Variants in BCAS3 observed in about 807,000 individuals in gnomAD.
BCAS3 encodes the protein BCAS4/BCAS3 fusion.
Under a neutral mutation model 116.1 loss-of-function variants are expected in BCAS3, and 53 were observed. That is an observed-to-expected ratio of 0.46 (90% CI 0.37 to 0.57). The LOEUF (loss-of-function observed/expected upper bound fraction) is 0.57. BCAS3 is among the 20% of genes least tolerant of loss of function. BCAS3 has a pLI of 0.00. For missense variants in BCAS3, 917 were observed against 1,165.4 expected, an observed-to-expected ratio of 0.79 and a Z score of 3.10; for synonymous variants, 391 against 408.2, an observed-to-expected ratio of 0.96 and a Z score of 0.51.
At chr17:61,175,376 G>A (rs1330283568) in intron 22 of BCAS3, among the ~76,000 whole-genome samples, 1 of 151,590 alleles carries the variant, frequency 6.6e-6, no homozygotes, top group Admixed American at 6.6e-5. Context: ...TCCAGCCTGG[G>A]TGACACAGTG....
At chr17:60,999,363 C>A (rs1024396923) in intron 15 of BCAS3, among the ~76,000 whole-genome samples, 4 of 151,772 alleles carry the variant, frequency 2.6e-5, no homozygotes, top group Non-Finnish European at 5.9e-5. Context: ...CGTGGTGAAA[C>A]CCCGTCTCTA....
chr17:61,059,063 C>CTTTTTTTTTTTTTTTTTT lies in BCAS3; in HGVS notation c.2030-15837_2030-15820dup. ...TCCCCGAACTCTTTTTTCTCCCCAT[C>CTTTTTTTTTTTTTTTTTT]TTTTTTTTTTTTTTTTTTTTTTTTT... is the stretch of plus-strand genomic sequence containing the variant. On this transcript the variant is annotated intron_variant, in intron 19 of 23. Transcript: ENST00000407086. Among the ~76,000 whole-genome samples, 59 of 32,802 alleles carry CTTTTTTTTTTTTTTTTTT rather than the reference C, an allele frequency of 1.8e-3. 5 individuals are homozygous for CTTTTTTTTTTTTTTTTTT. Among genetic ancestry groups the CTTTTTTTTTTTTTTTTTT allele is most frequent in the Non-Finnish European group, 2.4e-3 (38 of 15,840 alleles). 21.5% of individuals were successfully genotyped at this position (32,802 alleles called of 152,430 possible). A position where few individuals can be genotyped will look rare whatever the true frequency, so the allele number is the denominator to read the frequency against.
chr17:60,852,230 C>A (rs1199810784), intron 7 of BCAS3, among the ~76,000 whole-genome samples: 2 of 151,532 alleles, frequency 1.3e-5, no homozygotes, highest in Non-Finnish European at 2.9e-5. Context: ...TGTGCTGCAC[C>A]CATGTTGTTT....
intron 15 of BCAS3, among the ~76,000 whole-genome samples, chr17:61,010,956 G>A (rs189413569): frequency 6.6e-6 from 1 of 152,040 alleles, no homozygotes; most frequent in African/African-American, 2.4e-5. Context: ...GACTTCCTCT[G>A]TCTGCTTGTG....
In BCAS3 at chr17:61,380,970, C is replaced by G. The variant is rs977494047; in HGVS notation, c.2594-11007C>G. Among the ~76,000 whole-genome samples the G allele has an allele frequency of 3.9e-4, 60 of 152,196 alleles. No individual in the cohort carries two copies. Among genetic ancestry groups the G allele is most frequent in the Non-Finnish European group, 6.9e-4 (47 of 68,034 alleles). On this transcript the variant is annotated intron_variant, in intron 23 of 23. Coordinates refer to ENST00000407086, the MANE Select transcript of BCAS3 (RefSeq NM_017679.5). This position sits in a 1 kb window ranked among gnomAD's most constrained non-coding sequence, Gnocchi z 4.2. ...TCCCTGCAGGAGCCTGGAGCTGGCCCCTAGTATAATTGGTGCTGTCTCTAT... is the reference window on the plus strand; with the variant it reads ...TCCCTGCAGGAGCCTGGAGCTGGCCGCTAGTATAATTGGTGCTGTCTCTAT...
chr17:61,064,975 T>G (rs1445990029), intron 19 of BCAS3, among the ~76,000 whole-genome samples: 1 of 152,222 alleles, frequency 6.6e-6, no homozygotes, highest in East Asian at 1.9e-4. Flanking sequence ...TTAGATTTAG[T>G]GAATTCCTCT....
chr17:60,767,615 G>C (rs1265678386), intron 6 of BCAS3, among the ~76,000 whole-genome samples: 2 of 151,970 alleles, frequency 1.3e-5, no homozygotes, highest in Non-Finnish European at 2.9e-5. Context: ...CCAAAGTGCT[G>C]GGATTACAGA....
intron 22 of BCAS3, among the ~76,000 whole-genome samples, chr17:61,271,677 G>A (rs569361189): frequency 4.1e-5 from 6 of 147,264 alleles, no homozygotes; most frequent in Non-Finnish European, 7.5e-5. Context: ...GGCTGGTTTC[G>A]AACTCCTGAC....
In BCAS3 at chr17:61,228,771, G is replaced by T. The variant is rs2082504970; in HGVS notation, c.2426-139556G>T. Among the ~76,000 whole-genome samples, 1 of 152,116 alleles carries T rather than the reference G, an allele frequency of 6.6e-6. No homozygotes were observed. Among genetic ancestry groups the T allele is most frequent in the Non-Finnish European group, 1.5e-5 (1 of 68,030 alleles). ...CTTTCCGCAGGTCTCCTGATTCCAT[G>T]AGCCACAATAATATTGAAATTGGGC... On this transcript the variant is annotated intron_variant, in intron 22 of 23. Transcript: ENST00000407086. The surrounding 1 kb of genome is among the most constrained non-coding windows in gnomAD (Gnocchi z 5.0).
chr17:60,892,852 G>A (rs1036610095), intron 10 of BCAS3, among the ~76,000 whole-genome samples: 1 of 152,054 alleles, frequency 6.6e-6, no homozygotes, highest in African/African-American at 2.4e-5. Flanking sequence ...AACCCGGGAG[G>A]TGGAGGTTGC....
intron 6 of BCAS3, among the ~76,000 whole-genome samples, chr17:60,792,516 C>A (rs911695958): frequency 6.6e-6 from 1 of 152,226 alleles, no homozygotes; most frequent in African/African-American, 2.4e-5. Flanking sequence ...ACTTGGGCAG[C>A]AGTGCTACTG....
intron 6 of BCAS3, among the ~76,000 whole-genome samples, chr17:60,755,630 G>A (rs2042923462): frequency 6.6e-6 from 1 of 152,058 alleles, no homozygotes; most frequent in African/African-American, 2.4e-5. Flanking sequence ...AATGTATTTT[G>A]TAGCTTTTTA....
rs2054658273 is a variant in BCAS3 at position 61,315,556 on chromosome 17, G to A, written c.2426-52771G>A. Among the ~76,000 whole-genome samples, 1 of 152,202 alleles carries A rather than the reference G, an allele frequency of 6.6e-6. No homozygotes were observed. The highest frequency in any genetic ancestry group is 1.5e-5 in the Non-Finnish European group (1 of 68,044). On this transcript the variant is annotated intron_variant, in intron 22 of 23. Coordinates refer to ENST00000407086, the MANE Select transcript of BCAS3 (RefSeq NM_017679.5). The surrounding 1 kb of genome is among the most constrained non-coding windows in gnomAD (Gnocchi z 5.3). ...ATGGAAGAGGTTGCACAGCGTCGCT[G>A]GTTAATGGCAAAGCCCAGGTATGGG...
At chr17:61,059,894 C>T (rs1013993507) in intron 19 of BCAS3, among the ~76,000 whole-genome samples, 6 of 151,664 alleles carry the variant, frequency 4.0e-5, no homozygotes, top group Admixed American at 6.6e-5. Context: ...GGCGTGGTGG[C>T]GCGTGCCTGT....
At chr17:60,705,462 T>C (rs896642165) in intron 4 of BCAS3, among the ~76,000 whole-genome samples, 1 of 145,552 alleles carries the variant, frequency 6.9e-6, no homozygotes, top group Non-Finnish European at 1.5e-5. Flanking sequence ...TTCAGTGAGC[T>C]GAGATCATGC....
At chr17:60,955,500 G>C (rs1341626084) in intron 14 of BCAS3, among the ~76,000 whole-genome samples, 1 of 149,892 alleles carries the variant, frequency 6.7e-6, no homozygotes, top group Non-Finnish European at 1.5e-5. Flanking sequence ...CGATTCTCCT[G>C]CCTCAGCCTC....
intron 22 of BCAS3, among the ~76,000 whole-genome samples, chr17:61,351,773 C>T (rs1383583105): frequency 2.0e-5 from 3 of 152,176 alleles, no homozygotes; most frequent in African/African-American, 7.2e-5. Flanking sequence ...GAAGAGACTG[C>T]AGCTAGGTGA....
chr17:61,332,146 G>T lies in BCAS3; in HGVS notation c.2426-36181G>T, dbSNP rs536991257. ...CCGCCGGGCTCTGGAGCTGGGCCACGGGCTCCTCTCTCTGGAAAGGCTCTG... is the reference window on the plus strand; with the variant it reads ...CCGCCGGGCTCTGGAGCTGGGCCACTGGCTCCTCTCTCTGGAAAGGCTCTG... On this transcript the variant is annotated intron_variant, in intron 22 of 23. Transcript: ENST00000407086. This position sits in a 1 kb window ranked among gnomAD's most constrained non-coding sequence, Gnocchi z 5.4. Among the ~76,000 whole-genome samples the T allele has an allele frequency of 6.6e-6, 1 of 152,168 alleles. No homozygotes were observed. The highest frequency in any genetic ancestry group is 1.5e-5 in the Non-Finnish European group (1 of 68,024).
rs1330903566 is a variant in BCAS3 at position 61,265,834 on chromosome 17, T to C, written c.2426-102493T>C. Among the ~76,000 whole-genome samples the C allele has an allele frequency of 6.6e-6, 1 of 152,186 alleles. No homozygotes were observed. Among genetic ancestry groups the C allele is most frequent in the Non-Finnish European group, 1.5e-5 (1 of 68,034 alleles). On this transcript the variant is annotated intron_variant, in intron 22 of 23. Coordinates refer to ENST00000407086, the MANE Select transcript of BCAS3 (RefSeq NM_017679.5). This position sits in a 1 kb window ranked among gnomAD's most constrained non-coding sequence, Gnocchi z 4.3. ...ATCTTTGACTCCACCATTTTTATAA[T>C]AAACACTTGCAAACTCACACCTTCT...
Sources: allele counts gnomAD v4.1 joint callset (sites outside exome capture counted in the v4.1 genomes callset), GRCh38; gene constraint gnomAD v4.1.1; non-coding constraint Gnocchi (gnomAD v3.1); transcripts MANE v1.5; gene names NCBI Gene and HGNC (gene_info 2026-07-23, HGNC 2026-07-21).